The following CADPS variants were observed in gnomAD, a reference collection of about 807,000 sequenced individuals.
The protein encoded by CADPS is calcium dependent secretion activator, also known as calcium-dependent secretion activator 1.
In CADPS, 57 loss-of-function variants were observed where a neutral mutation model predicts 167.3. The observed-to-expected ratio is 0.34, with a 90% CI of 0.28 to 0.42. The LOEUF (loss-of-function observed/expected upper bound fraction) is 0.42, where lower values mean the gene tolerates loss of function less well. Ranked by LOEUF, CADPS falls within the 20% of genes least tolerant of loss-of-function variation. CADPS has a pLI of 1.00. For synonymous variants in CADPS, 676 were observed against 635.3 expected (o/e 1.06, Z -0.96); for missense variants, 1,414 against 1,738.1 (o/e 0.81, Z 3.32).
intron 1 of CADPS, among the ~76,000 whole-genome samples, chr3:62,782,625 G>A (rs1001728482): frequency 1.3e-5 from 2 of 152,160 alleles, no homozygotes; most frequent in African/African-American, 4.8e-5. Flanking sequence ...CTAAAAAGAT[G>A]TACAGCATTG....
intron 1 of CADPS, among the ~76,000 whole-genome samples, chr3:62,769,047 A>G (rs1472282473): frequency 1.3e-5 from 2 of 152,074 alleles, no homozygotes; most frequent in East Asian, 3.9e-4. Flanking sequence ...CTCACTAGCC[A>G]TGTCTCCCTG....
intron 3 of CADPS, among the ~76,000 whole-genome samples, chr3:62,745,387 G>C (rs1340954865): frequency 1.3e-5 from 2 of 152,130 alleles, no homozygotes; most frequent in Non-Finnish European, 2.9e-5. Flanking sequence ...TATATGTATT[G>C]ATGTATTTTC....
At chr3:62,667,870 G>A (rs2074761053) in intron 3 of CADPS, among the ~76,000 whole-genome samples, 1 of 151,984 alleles carries the variant, frequency 6.6e-6, no homozygotes, top group Admixed American at 6.6e-5. Flanking sequence ...ATTCACACCT[G>A]GGAATGCCCT....
chr3:62,474,284 G>A lies in CADPS; in HGVS notation c.3366C>T (p.Thr1122=). 6.2e-7 allele frequency: 1 copy of A among 1,611,238 alleles called. No homozygotes were observed. The highest frequency in any genetic ancestry group is 8.5e-7 in the Non-Finnish European group (1 of 1,179,426). ...GGACTCGAAAATCTGTTGATCGACT[G>A]GTTTTTTGCAGCTTAACTTCAAATG... The part of the protein sequence containing the change: ...RIAFEVKLQK[T]SRSTDFRVPQ... The change falls in exon 24 of 30, where the codon ACC becomes ACT. Residue 1122 remains threonine, a synonymous_variant. Transcript: ENST00000383710.
intron 1 of CADPS, among the ~76,000 whole-genome samples, chr3:62,824,567 C>G (rs1559796072): frequency 1.3e-5 from 2 of 152,102 alleles, no homozygotes; most frequent in Non-Finnish European, 2.9e-5. Flanking sequence ...CAGGTTTATA[C>G]CTGGGGATCC....
chr3:62,585,055 A>C, intron 8 of CADPS, 130 bp downstream of exon 8: 1 of 871,720 alleles, frequency 1.1e-6, no homozygotes, highest in Admixed American at 2.8e-5. Context: ...TCAAAGTCGA[A>C]TATTTTAATA....
At chr3:62,653,391 T>C (rs1276107042) in intron 4 of CADPS, among the ~76,000 whole-genome samples, 1 of 152,150 alleles carries the variant, frequency 6.6e-6, no homozygotes, top group African/African-American at 2.4e-5. Flanking sequence ...CATCAGACAC[T>C]GAATCTGATG....
At chr3:62,723,997 T>G (rs34301583) in intron 3 of CADPS, among the ~76,000 whole-genome samples, 12,673 of 152,250 alleles carry the variant, frequency 0.083, 631 homozygotes, top group Non-Finnish European at 0.11. Flanking sequence ...GGCACTTCTG[T>G]GTCCAAGGGA....
At chr3:62,859,376 C>A (rs549521595) in intron 1 of CADPS, among the ~76,000 whole-genome samples, 1 of 152,282 alleles carries the variant, frequency 6.6e-6, no homozygotes, top group South Asian at 2.1e-4. Flanking sequence ...TTACGCCCCT[C>A]TTTAAGAGCT....
At chr3:62,864,710 AT>A (rs1207170398) in intron 1 of CADPS, among the ~76,000 whole-genome samples, 1 of 152,166 alleles carries the variant, frequency 6.6e-6, no homozygotes, top group Non-Finnish European at 1.5e-5. Flanking sequence ...AATCTTCCAA[AT>A]AAAGTCATAT....
intron 1 of CADPS, among the ~76,000 whole-genome samples, chr3:62,787,186 G>A (rs9311848): frequency 0.047 from 7,163 of 151,758 alleles, 574 homozygotes; most frequent in African/African-American, 0.16. Context: ...TCCCACCTAC[G>A]TGGGAGGCTG....
chr3:62,636,626 G>T (rs2066366361), intron 6 of CADPS, among the ~76,000 whole-genome samples: 1 of 152,176 alleles, frequency 6.6e-6, no homozygotes, highest in African/African-American at 2.4e-5. Flanking sequence ...CACAGCACAG[G>T]GGCGTTGCTG....
chr3:62,549,447 GT>G lies in CADPS; in HGVS notation c.1966+455del, dbSNP rs3074235. Among the ~76,000 whole-genome samples the G allele has an allele frequency of 1.8e-3, 227 of 129,280 alleles. 1 individual carries two copies. The highest frequency in any genetic ancestry group is 5.2e-3 in the African/African-American group (170 of 32,782). 84.8% of individuals were successfully genotyped at this position (129,280 alleles called of 152,430 possible). On this transcript the variant is annotated intron_variant, in intron 11 of 29. Coordinates refer to ENST00000383710, the MANE Select transcript of CADPS (RefSeq NM_003716.4). ...TGGGATTTTAGGTACCATGTTTTGT[GT>G]TTTTTTTTTTTTTTTCGCTGCATGT...
intron 18 of CADPS, among the ~76,000 whole-genome samples, chr3:62,495,222 T>C (rs1245332479): frequency 1.3e-5 from 2 of 152,138 alleles, no homozygotes; most frequent in East Asian, 1.9e-4. Context: ...TTGGGGACTG[T>C]AGAGTAAGTG....
intron 24 of CADPS, 109 bp downstream of exon 24, chr3:62,474,064 T>C (rs2060947237): frequency 1.4e-6 from 1 of 710,220 alleles, no homozygotes; most frequent in African/African-American, 1.8e-5. Flanking sequence ...TGTTAGAGTG[T>C]ATTTCTGAAA....
chr3:62,866,274 T>C (rs2081655902), intron 1 of CADPS, among the ~76,000 whole-genome samples: 1 of 152,090 alleles, frequency 6.6e-6, no homozygotes, highest in African/African-American at 2.4e-5. Flanking sequence ...CTGAGAAGCT[T>C]TTATAAAAGT....
intron 4 of CADPS, among the ~76,000 whole-genome samples, chr3:62,655,680 T>G (rs535219365): frequency 1.2e-3 from 182 of 152,208 alleles, no homozygotes; most frequent in African/African-American, 4.0e-3. Context: ...AGAGTGAGGT[T>G]CCCTAGACCC....
intron 6 of CADPS, among the ~76,000 whole-genome samples, chr3:62,614,127 A>G (rs2061903124): frequency 1.3e-5 from 2 of 152,154 alleles, no homozygotes; most frequent in South Asian, 4.1e-4. Context: ...AACAGCTCCT[A>G]TTTATTGAGC....
intron 1 of CADPS, among the ~76,000 whole-genome samples, chr3:62,811,802 G>T (rs2094406868): frequency 6.6e-6 from 1 of 152,168 alleles, no homozygotes; most frequent in South Asian, 2.1e-4. Flanking sequence ...GTCTCTAAAT[G>T]TCGTAATTTA....
Sources: gnomAD v4.1 joint callset for allele counts (sites outside exome capture counted in the v4.1 genomes callset) on GRCh38, gnomAD v4.1.1 for gene constraint, MANE v1.5 for transcripts, NCBI Gene and HGNC (gene_info 2026-07-23, HGNC 2026-07-21) for gene names.